The following LRRTM3 variants were observed in gnomAD, a reference collection of about 807,000 sequenced individuals.
LRRTM3 encodes leucine rich repeat transmembrane neuronal 3.
Under a neutral mutation model 44.7 loss-of-function variants are expected in LRRTM3, and 24 were observed. The observed-to-expected ratio is 0.54, with a 90% CI of 0.39 to 0.76. The LOEUF is 0.76. LRRTM3 is among the 30% of genes least tolerant of loss of function. LRRTM3 has a pLI of 0.00. For missense variants in LRRTM3, 587 were observed against 702.2 expected (o/e 0.84, Z 1.85); for synonymous variants, 277 against 278.7 (o/e 0.99, Z 0.06).
intron 2 of LRRTM3, among the ~76,000 whole-genome samples, chr10:66,943,567 A>C (rs1001761471): frequency 1.3e-5 from 2 of 151,170 alleles, no homozygotes; most frequent in Admixed American, 1.3e-4. Flanking sequence ...AACACTAAGC[A>C]CAGCCTTAAG....
chr10:67,087,655 GT>G (rs1185049945), intron 2 of LRRTM3, among the ~76,000 whole-genome samples: 1 of 151,954 alleles, frequency 6.6e-6, no homozygotes, highest in East Asian at 1.9e-4. Context: ...CATCATTAGT[GT>G]GGATTTCTGC....
chr10:67,059,994 CT>C (rs1261582447), intron 2 of LRRTM3, among the ~76,000 whole-genome samples: 1 of 151,936 alleles, frequency 6.6e-6, no homozygotes, highest in Non-Finnish European at 1.5e-5. Context: ...ATAAGAATGG[CT>C]TTTTTAGGTG....
At chr10:66,980,443 G>A (rs1232237580) in intron 2 of LRRTM3, among the ~76,000 whole-genome samples, 1 of 143,144 alleles carries the variant, frequency 7.0e-6, no homozygotes, top group Non-Finnish European at 1.6e-5. Context: ...AGCTGTCACT[G>A]GCCTTTTCTG....
chr10:67,036,723 G>A (rs985876814), intron 2 of LRRTM3, among the ~76,000 whole-genome samples: 5 of 152,070 alleles, frequency 3.3e-5, no homozygotes, highest in Admixed American at 2.6e-4. Flanking sequence ...CCATTCATTT[G>A]TTTATTTATG....
chr10:66,963,677 G>A (rs10997454), intron 2 of LRRTM3, among the ~76,000 whole-genome samples: 33,448 of 151,602 alleles, frequency 0.22, 3,910 homozygotes, highest in East Asian at 0.36. Flanking sequence ...AGGGCATGTC[G>A]AAAACAGGTT....
intron 2 of LRRTM3, among the ~76,000 whole-genome samples, chr10:67,067,346 T>C (rs1260594893): frequency 2.6e-5 from 4 of 152,202 alleles, no homozygotes; most frequent in African/African-American, 9.6e-5. Flanking sequence ...AACCATATAC[T>C]AAGCAAAAAG....
chr10:67,079,965 A>T (rs1856964784), intron 2 of LRRTM3, among the ~76,000 whole-genome samples: 1 of 152,002 alleles, frequency 6.6e-6, no homozygotes, highest in Non-Finnish European at 1.5e-5. Context: ...GGAGTAAAAT[A>T]AAAAATTGCT....
At chr10:67,025,148 G>C (rs868666013) in intron 2 of LRRTM3, among the ~76,000 whole-genome samples, 16 of 136,576 alleles carry the variant, frequency 1.2e-4, no homozygotes, top group African/African-American at 4.6e-4. Context: ...AAAAAAAAAA[G>C]AAAGAAAGGA....
intron 2 of LRRTM3, among the ~76,000 whole-genome samples, chr10:67,045,676 G>C (rs1032018643): frequency 6.6e-6 from 1 of 152,152 alleles, no homozygotes; most frequent in South Asian, 2.1e-4. Flanking sequence ...GTCCTGGCGC[G>C]GGATGGGGCG....
intron 2 of LRRTM3, among the ~76,000 whole-genome samples, chr10:67,008,969 A>G (rs1392168592): frequency 6.6e-6 from 1 of 152,118 alleles, no homozygotes; most frequent in African/African-American, 2.4e-5. Flanking sequence ...TGGGTATAAA[A>G]CCTTGGTATA....
intron 2 of LRRTM3, among the ~76,000 whole-genome samples, chr10:67,092,203 C>G (rs1857685323): frequency 6.6e-6 from 1 of 151,816 alleles, no homozygotes. Flanking sequence ...TTTCAACAAC[C>G]TAGAGAGTTA....
intron 2 of LRRTM3, among the ~76,000 whole-genome samples, chr10:67,002,043 G>A (rs546645992): frequency 7.0e-4 from 106 of 152,230 alleles, no homozygotes; most frequent in African/African-American, 2.5e-3. Context: ...CTGGTTGACT[G>A]ACCATACTCA....
chr10:66,967,962 G>A (rs182155938), intron 2 of LRRTM3, among the ~76,000 whole-genome samples: 2 of 152,136 alleles, frequency 1.3e-5, no homozygotes, highest in Admixed American at 1.3e-4. Context: ...TGATGAATGG[G>A]TTTTTTAACA....
At chr10:67,043,131 C>CTTTTT in intron 2 of LRRTM3, among the ~76,000 whole-genome samples, 1 of 60,208 alleles carries the variant, frequency 1.7e-5, no homozygotes, top group Non-Finnish European at 4.1e-5. Flanking sequence ...GGCTCACTTT[C>CTTTTT]TTTCTTTTTT....
At chr10:66,940,311 T>C (rs1199948482) in intron 2 of LRRTM3, among the ~76,000 whole-genome samples, 6 of 151,930 alleles carry the variant, frequency 3.9e-5, no homozygotes, top group East Asian at 1.9e-4. Context: ...TCTGGAAACA[T>C]AGCAAGGCCT....
intron 2 of LRRTM3, 64 bp from the exon 3 acceptor site, chr10:67,097,522 TA>T: frequency 6.9e-7 from 1 of 1,451,208 alleles, no homozygotes; most frequent in Non-Finnish European, 9.6e-7. Context: ...CTTCAGTCTC[TA>T]AATCTTTCCC....
chr10:67,044,209 T>C (rs1188705731), intron 2 of LRRTM3, among the ~76,000 whole-genome samples: 1 of 152,090 alleles, frequency 6.6e-6, no homozygotes, highest in Non-Finnish European at 1.5e-5. Context: ...AGAAAAAATA[T>C]GGCTGCAACA....
intron 2 of LRRTM3, among the ~76,000 whole-genome samples, chr10:66,993,099 G>A (rs1458701632): frequency 6.6e-6 from 1 of 152,158 alleles, no homozygotes; most frequent in African/African-American, 2.4e-5. Context: ...GGACGATCAT[G>A]AGGTCCAAAA....
At chr10:66,929,356 C>T (rs867681317) in intron 2 of LRRTM3, among the ~76,000 whole-genome samples, 2 of 152,178 alleles carry the variant, frequency 1.3e-5, no homozygotes, top group African/African-American at 4.8e-5. Flanking sequence ...TGGTTGAGAG[C>T]TTACCAGAAT....
Sources: allele counts gnomAD v4.1 joint callset (sites outside exome capture counted in the v4.1 genomes callset), GRCh38; gene constraint gnomAD v4.1.1; transcripts MANE v1.5; gene names NCBI Gene and HGNC (gene_info 2026-07-23, HGNC 2026-07-21).